The following ZMAT4 variants were observed in gnomAD, a reference collection of about 807,000 sequenced individuals.
ZMAT4 encodes zinc finger matrin-type protein 4.
ZMAT4 carries 17 observed loss-of-function variants against 28.7 expected under a neutral mutation model. That is an observed-to-expected ratio of 0.59 (90% CI 0.41 to 0.89). The LOEUF (loss-of-function observed/expected upper bound fraction) is 0.89, where lower values mean the gene tolerates loss of function less well. ZMAT4 is among the 40% of genes least tolerant of loss of function. The pLI is 0.00. For synonymous variants in ZMAT4, 117 were observed against 109.2 expected (o/e 1.07, Z -0.44); for missense variants, 240 against 283.8 (o/e 0.85, Z 1.11).
chr8:40,793,442 C>T (rs1192797034), intron 2 of ZMAT4, among the ~76,000 whole-genome samples: 1 of 147,860 alleles, frequency 6.8e-6, no homozygotes, highest in Non-Finnish European at 1.5e-5. Flanking sequence ...GAGCCACGCT[C>T]CATCGATTTT....
chr8:40,850,378 C>T (rs577662814), intron 1 of ZMAT4, among the ~76,000 whole-genome samples: 1 of 152,262 alleles, frequency 6.6e-6, no homozygotes, highest in African/African-American at 2.4e-5. Context: ...AATGTCCCTA[C>T]AGCGAGCCCC....
At chr8:40,822,074 C>T (rs1353586930) in intron 2 of ZMAT4, among the ~76,000 whole-genome samples, 1 of 152,222 alleles carries the variant, frequency 6.6e-6, no homozygotes, top group East Asian at 1.9e-4. Context: ...TACAACAGGA[C>T]GCCAAGTGGG....
At chr8:40,723,325 C>T (rs567478234) in intron 3 of ZMAT4, among the ~76,000 whole-genome samples, 3 of 152,124 alleles carry the variant, frequency 2.0e-5, no homozygotes, top group African/African-American at 7.2e-5. Flanking sequence ...GGCAGATCAC[C>T]TGAGGTCAGG....
In ZMAT4 at chr8:40,665,310, C is replaced by T. The variant is rs1051690716; in HGVS notation, c.577+9394G>A. ...TCTTGTGGCAAATCTGTTTCTCTGT[C>T]GCACATACTACTTTCATGATTTGAA... is the stretch of plus-strand genomic sequence containing the variant. On this transcript the variant is annotated intron_variant, in intron 5 of 6. Transcript: ENST00000297737. Among the ~76,000 whole-genome samples, 39 of 152,164 alleles carry T rather than the reference C, an allele frequency of 2.6e-4. 2 individuals carry two copies. Among genetic ancestry groups the T allele is most frequent in the Admixed American group, 2.0e-3 (30 of 15,266 alleles).
At chr8:40,586,678 GCTAGAAGTCC>G (rs1804681223) in intron 5 of ZMAT4, among the ~76,000 whole-genome samples, 1 of 152,142 alleles carries the variant, frequency 6.6e-6, no homozygotes, top group South Asian at 2.1e-4. Context: ...GTCTAGCAAA[GCTAGAAGTCC>G]CTATGACTTC....
At position 40,837,800 on chromosome 8, in the gene ZMAT4, G is replaced by A. The variant is rs114448626; in HGVS notation, c.-4-12120C>T. On this transcript the variant is annotated intron_variant, in intron 1 of 6. Transcript: ENST00000297737. Reference sequence around the variant, plus strand: ...GCAGAGTATCATCGCAGGACAAGGCGTGTGTCCTGGTACACGGGCTGGGAG... The same window carrying A: ...GCAGAGTATCATCGCAGGACAAGGCATGTGTCCTGGTACACGGGCTGGGAG... 2.9e-3 allele frequency among the ~76,000 whole-genome samples: 438 copies of A among 152,312 alleles called. 3 individuals are homozygous for A. The highest frequency in any genetic ancestry group is 9.1e-3 in the African/African-American group (380 of 41,578).
At chr8:40,602,043 G>A (rs1805414398) in intron 5 of ZMAT4, among the ~76,000 whole-genome samples, 1 of 152,132 alleles carries the variant, frequency 6.6e-6, no homozygotes, top group Non-Finnish European at 1.5e-5. Context: ...AGTCTCCAAA[G>A]TACATTGTAT....
At chr8:40,786,636 T>C in intron 2 of ZMAT4, 1 of 1,200,942 alleles carries the variant, frequency 8.3e-7, no homozygotes, top group Middle Eastern at 2.2e-4. Flanking sequence ...TCTCCTTCTG[T>C]GAACATCCAT....
At chr8:40,545,312 A>T (rs1000726827) in intron 6 of ZMAT4, among the ~76,000 whole-genome samples, 5 of 152,128 alleles carry the variant, frequency 3.3e-5, no homozygotes, top group African/African-American at 1.2e-4. Context: ...TGAATTCTGG[A>T]CCCATAGGAA....
chr8:40,569,433 T>C (rs1338588490), intron 6 of ZMAT4, among the ~76,000 whole-genome samples: 3 of 152,200 alleles, frequency 2.0e-5, no homozygotes, highest in African/African-American at 7.2e-5. Context: ...GGACATATTT[T>C]AATTTCTTAT....
chr8:40,547,244 G>T (rs1320650295), intron 6 of ZMAT4, among the ~76,000 whole-genome samples: 1 of 152,174 alleles, frequency 6.6e-6, no homozygotes, highest in Non-Finnish European at 1.5e-5. Context: ...CTCATGAACG[G>T]CTGCTGGGGT....
At chr8:40,724,914 C>T (rs1811259045) in intron 3 of ZMAT4, among the ~76,000 whole-genome samples, 2 of 152,138 alleles carry the variant, frequency 1.3e-5, no homozygotes, top group Admixed American at 1.3e-4. Flanking sequence ...ACCTTTAGCT[C>T]CCCACACTCA....
intron 1 of ZMAT4, among the ~76,000 whole-genome samples, chr8:40,840,948 C>T (rs1043535014): frequency 5.9e-5 from 9 of 152,184 alleles, no homozygotes; most frequent in African/African-American, 2.2e-4. Context: ...ACAGCCATTC[C>T]TAATGAGATA....
In ZMAT4 at chr8:40,875,399, C is replaced by T. The variant is rs553232370; in HGVS notation, c.-5+22284G>A. 6.6e-5 allele frequency among the ~76,000 whole-genome samples: 10 copies of T among 152,196 alleles called. No homozygotes were observed. The South Asian group carries it at 2.1e-3, about 32-fold the overall frequency. On this transcript the variant is annotated intron_variant, in intron 1 of 6. Transcript: ENST00000297737. ...GGGAGACAACAGACGAGCTGATAAG[C>T]TTGTTGTTGTTACAGGGGAATTGGT...
chr8:40,605,667 T>A (rs1292120818), intron 5 of ZMAT4, among the ~76,000 whole-genome samples: 3 of 152,220 alleles, frequency 2.0e-5, no homozygotes, highest in Non-Finnish European at 4.4e-5. Flanking sequence ...TCTGTAAATA[T>A]CTGTTAAGTC....
intron 5 of ZMAT4, among the ~76,000 whole-genome samples, chr8:40,657,257 T>TAGCA (rs1157000919): frequency 6.6e-6 from 1 of 152,202 alleles, no homozygotes; most frequent in Non-Finnish European, 1.5e-5. Flanking sequence ...ATACACGTAT[T>TAGCA]TATCATTCCT....
At chr8:40,633,776 T>A (rs1015491139) in intron 5 of ZMAT4, among the ~76,000 whole-genome samples, 3 of 152,222 alleles carry the variant, frequency 2.0e-5, no homozygotes, top group African/African-American at 7.2e-5. Flanking sequence ...GGACAGCTCA[T>A]CAGGCAAGGA....
intron 3 of ZMAT4, among the ~76,000 whole-genome samples, chr8:40,726,316 T>C (rs956587371): frequency 2.6e-5 from 4 of 152,238 alleles, no homozygotes; most frequent in African/African-American, 4.8e-5. Flanking sequence ...TTTGGTGGCA[T>C]CAAGATCGTG....
intron 2 of ZMAT4, chr8:40,786,771 G>T (rs909787958): frequency 1.6e-6 from 2 of 1,285,848 alleles, no homozygotes; most frequent in African/African-American, 3.0e-5. Context: ...CCTTCCTCAA[G>T]AATTCTGGAC....
Sources: allele counts gnomAD v4.1 joint callset (sites outside exome capture counted in the v4.1 genomes callset), GRCh38; gene constraint gnomAD v4.1.1; transcripts MANE v1.5; gene names NCBI Gene and HGNC (gene_info 2026-07-23, HGNC 2026-07-21).